SCML4: variants seen among roughly 807,000 people sequenced by gnomAD.
SCML4 encodes Scm polycomb group protein like 4.
Under a neutral mutation model 41.1 loss-of-function variants are expected in SCML4, and 34 were observed. The observed-to-expected ratio is 0.83, with a 90% confidence interval of 0.63 to 1.10. The LOEUF (loss-of-function observed/expected upper bound fraction) is 1.10. Among genes scored for constraint, SCML4 ranks in the 50% least tolerant of loss-of-function variants. The pLI, the probability that SCML4 is intolerant of heterozygous loss-of-function variation, is 0.00. For synonymous variants in SCML4, 214 were observed against 220.9 expected (o/e 0.97, Z 0.28); for missense variants, 522 against 534.1 (o/e 0.98, Z 0.22).
chr6:107,821,669 G>T (rs559476654), intron 1 of SCML4, among the ~76,000 whole-genome samples: 120 of 152,282 alleles, frequency 7.9e-4, no homozygotes, highest in African/African-American at 2.8e-3. Flanking sequence ...CCAATGAGGG[G>T]TAGTGTCACC....
At chr6:107,820,982 G>A (rs1378310662) in intron 1 of SCML4, among the ~76,000 whole-genome samples, 1 of 152,306 alleles carries the variant, frequency 6.6e-6, no homozygotes, top group East Asian at 1.9e-4. Flanking sequence ...GTTGGAAAAT[G>A]TCACAATAGA....
chr6:107,725,555 G>A lies in SCML4; in HGVS notation c.683-4562C>T, dbSNP rs554529776. ...TCAACAAATGGTGCTGGGACAACTG[G>A]ATATCCACATGTAAAAGACTAAAGG... On this transcript the variant is annotated intron_variant, in intron 5 of 7. Coordinates refer to ENST00000369020, the MANE Select transcript of SCML4 (RefSeq NM_198081.5). Among the ~76,000 whole-genome samples, 33 of 152,178 alleles carry A rather than the reference G, an allele frequency of 2.2e-4. No homozygotes were observed. The South Asian group carries it at 6.4e-3, about 30-fold the overall frequency.
chr6:107,707,990 G>C lies in SCML4; in HGVS notation c.995C>G (p.Ala332Gly). The stretch of plus-strand genomic sequence containing the variant: ...GCTCCGTGGCCGCCTGGCATCCTGC[G>C]CATCCTGAGAAGGGCTTGAGGCTGG... ...NRCASSPSQD[A>G]QDARRPRSRN... Residue 332 changes from alanine (A) to glycine (G), a missense_variant, in exon 7 of 8, where the codon GCG becomes GGG. By Grantham distance (60) the Ala-to-Gly change is moderately conservative (BLOSUM62 0). Coordinates refer to ENST00000369020, the MANE Select transcript of SCML4 (RefSeq NM_198081.5). 6.4e-7 allele frequency: 1 copy of C among 1,551,000 alleles called. No individual in the cohort carries two copies. Among genetic ancestry groups the C allele is most frequent in the Non-Finnish European group, 8.7e-7 (1 of 1,146,990 alleles).
chr6:107,829,621 C>T, the SCML4 span, among the ~76,000 whole-genome samples: 46 of 152,136 alleles, frequency 3.0e-4, 1 homozygote, highest in Admixed American at 2.9e-3. Context: ...AACATTAGGA[C>T]AAATACCTAA....
chr6:107,722,353 G>T (rs1354866538), intron 5 of SCML4, among the ~76,000 whole-genome samples: 1 of 151,928 alleles, frequency 6.6e-6, no homozygotes, highest in African/African-American at 2.4e-5. Context: ...TTATTTTTAT[G>T]TGGAGTTTTT....
chr6:107,749,991 G>A (rs1778479957), intron 2 of SCML4, among the ~76,000 whole-genome samples, 178 bp from the exon 3 acceptor site: 1 of 146,600 alleles, frequency 6.8e-6, no homozygotes, highest in Non-Finnish European at 1.5e-5. Flanking sequence ...TCATATTTGG[G>A]GTCACACTCA....
At chr6:107,711,452 C>T (rs1774207363) in intron 6 of SCML4, among the ~76,000 whole-genome samples, 2 of 152,136 alleles carry the variant, frequency 1.3e-5, no homozygotes, top group African/African-American at 4.8e-5. Context: ...AGGTTTGTAG[C>T]CTAAAAGCAA....
chr6:107,816,270 G>A (rs963818329), intron 1 of SCML4, among the ~76,000 whole-genome samples: 2 of 152,210 alleles, frequency 1.3e-5, no homozygotes, highest in Non-Finnish European at 1.5e-5. Context: ...ACATCCCTGA[G>A]CACATAATGC....
At chr6:107,803,225 G>GA (rs1783382822) in intron 1 of SCML4, among the ~76,000 whole-genome samples, 1 of 133,884 alleles carries the variant, frequency 7.5e-6, no homozygotes, top group Non-Finnish European at 1.6e-5. Flanking sequence ...TGTGGGGAGC[G>GA]CCTCTGCCCG....
intron 1 of SCML4, among the ~76,000 whole-genome samples, chr6:107,782,247 AC>A (rs769382353): frequency 4.4e-4 from 67 of 152,268 alleles, no homozygotes; most frequent in Non-Finnish European, 8.4e-4. Flanking sequence ...GCTCAGCTGT[AC>A]CCTAAATCTA....
intron 5 of SCML4, among the ~76,000 whole-genome samples, chr6:107,736,488 C>G (rs1777079558): frequency 6.6e-6 from 1 of 152,168 alleles, no homozygotes; most frequent in Non-Finnish European, 1.5e-5. Context: ...TCGGTTTCCT[C>G]CCTGCTGCTA....
intron 5 of SCML4, among the ~76,000 whole-genome samples, chr6:107,730,996 C>T (rs1776482488): frequency 6.6e-6 from 1 of 152,122 alleles, no homozygotes; most frequent in Non-Finnish European, 1.5e-5. Context: ...TAGGTAATGC[C>T]CCTGCATCCA....
chr6:107,832,926 G>A, the SCML4 span, among the ~76,000 whole-genome samples: 1 of 152,250 alleles, frequency 6.6e-6, no homozygotes, highest in African/African-American at 2.4e-5. Context: ...TGAAGAGACT[G>A]AGTTTTGCAT....
At chr6:107,725,817 C>G (rs1181829329) in intron 5 of SCML4, among the ~76,000 whole-genome samples, 1 of 152,138 alleles carries the variant, frequency 6.6e-6, no homozygotes, top group African/African-American at 2.4e-5. Flanking sequence ...CACGGTGGCT[C>G]ATGCCTGTAA....
At chr6:107,739,587 C>T (rs2114477368) in intron 5 of SCML4, among the ~76,000 whole-genome samples, 1 of 152,230 alleles carries the variant, frequency 6.6e-6, no homozygotes, top group Admixed American at 6.5e-5. Flanking sequence ...TGCAGATAAG[C>T]CCATGACCTT....
At chr6:107,761,184 T>C (rs866478178) in intron 2 of SCML4, among the ~76,000 whole-genome samples, 11 of 152,098 alleles carry the variant, frequency 7.2e-5, no homozygotes, top group Non-Finnish European at 1.2e-4. Context: ...TTTGAAGAGA[T>C]AATAGCAGAG....
intron 1 of SCML4, among the ~76,000 whole-genome samples, chr6:107,777,232 C>T (rs1357722342): frequency 6.6e-6 from 1 of 152,240 alleles, no homozygotes; most frequent in African/African-American, 2.4e-5. Flanking sequence ...ATTCTCCTGC[C>T]TCAGCCTCCC....
chr6:107,706,244 C>T (rs1211304844), intron 7 of SCML4, among the ~76,000 whole-genome samples: 2 of 152,158 alleles, frequency 1.3e-5, no homozygotes, highest in African/African-American at 4.8e-5. Flanking sequence ...TCCCAGGAGC[C>T]TCATTTTCTA....
chr6:107,805,726 G>A (rs899855547), intron 1 of SCML4, among the ~76,000 whole-genome samples: 3 of 152,198 alleles, frequency 2.0e-5, no homozygotes, highest in Non-Finnish European at 2.9e-5. Context: ...ACGTAAAGTT[G>A]TACATATGTG....
Sources: gnomAD v4.1 joint callset for allele counts (sites outside exome capture counted in the v4.1 genomes callset) on GRCh38, gnomAD v4.1.1 for gene constraint, MANE v1.5 for transcripts, NCBI Gene and HGNC (gene_info 2026-07-23, HGNC 2026-07-21) for gene names.